BMPR2: variants seen among roughly 807,000 people sequenced by gnomAD.
BMPR2 encodes the protein bone morphogenetic protein receptor type-2.
In BMPR2, 29 loss-of-function variants were observed where a neutral mutation model predicts 100.8. The observed-to-expected ratio is 0.29, with a 90% confidence interval of 0.21 to 0.39. The LOEUF (loss-of-function observed/expected upper bound fraction) is 0.39. BMPR2 is among the 10% of genes least tolerant of loss of function. The pLI is 1.00. For missense variants in BMPR2, 1,011 were observed against 1,274.5 expected (o/e 0.79, Z 3.15); for synonymous variants, 382 against 442.3 (o/e 0.86, Z 1.71).
rs191138341 is a variant in BMPR2 at position 202,416,997 on chromosome 2, C to T, written c.76+39447C>T. On this transcript the variant is annotated intron_variant, in intron 1 of 12. Coordinates refer to ENST00000374580, the MANE Select transcript of BMPR2 (RefSeq NM_001204.7). Reference sequence around the variant, plus strand: ...GACTACAGGCACCCGCCACCACGCCCGGCTAATTTTTTGTGTTTTTAGTAG... The same window carrying T: ...GACTACAGGCACCCGCCACCACGCCTGGCTAATTTTTTGTGTTTTTAGTAG... 4.6e-3 allele frequency among the ~76,000 whole-genome samples: 692 copies of T among 151,682 alleles called. 3 individuals are homozygous for T. Among genetic ancestry groups the T allele is most frequent in the African/African-American group, 0.015 (627 of 41,350 alleles).
At chr2:202,380,539 C>G (rs1297374048) in intron 1 of BMPR2, among the ~76,000 whole-genome samples, 1 of 151,964 alleles carries the variant, frequency 6.6e-6, no homozygotes, top group African/African-American at 2.4e-5. Flanking sequence ...GAATGAATCT[C>G]TCTGGGAGAA....
At chr2:202,443,975 G>A (rs1368215317) in intron 1 of BMPR2, among the ~76,000 whole-genome samples, 2 of 150,424 alleles carry the variant, frequency 1.3e-5, no homozygotes, top group Admixed American at 1.3e-4. Flanking sequence ...TAATAACATA[G>A]TGGTACAAAT....
chr2:202,550,108 G>A lies in BMPR2; in HGVS notation c.1414-2608G>A, dbSNP rs533391030. Among the ~76,000 whole-genome samples, 102 of 152,152 alleles carry A rather than the reference G, an allele frequency of 6.7e-4. No individual in the cohort carries two copies. The South Asian group carries it at 0.012, about 19-fold the overall frequency. Reference sequence around the variant, plus strand: ...TTTTTGGCCAGGTACAGTGGCTCACGCCTGTAATCCCAGCACTTTGGAAGG... The same window carrying A: ...TTTTTGGCCAGGTACAGTGGCTCACACCTGTAATCCCAGCACTTTGGAAGG... On this transcript the variant is annotated intron_variant, in intron 10 of 12. Coordinates refer to ENST00000374580, the MANE Select transcript of BMPR2 (RefSeq NM_001204.7).
chr2:202,506,597 C>T (rs1268907082), intron 3 of BMPR2, among the ~76,000 whole-genome samples: 2 of 152,092 alleles, frequency 1.3e-5, no homozygotes, highest in African/African-American at 4.8e-5. Flanking sequence ...TACGAATTTG[C>T]AGGGCACATA....
chr2:202,458,152 T>A (rs536613579), intron 1 of BMPR2, among the ~76,000 whole-genome samples: 1 of 151,694 alleles, frequency 6.6e-6, no homozygotes, highest in East Asian at 1.9e-4. Flanking sequence ...ATATAATATT[T>A]AAAAAATTTT....
intron 3 of BMPR2, among the ~76,000 whole-genome samples, chr2:202,513,199 G>C (rs1687655224): frequency 6.6e-6 from 1 of 151,936 alleles, no homozygotes; most frequent in Non-Finnish European, 1.5e-5. Context: ...TTGACCTTGT[G>C]GCCTCAAGTG....
At chr2:202,472,766 C>T (rs934706407) in intron 3 of BMPR2, among the ~76,000 whole-genome samples, 10 of 152,188 alleles carry the variant, frequency 6.6e-5, no homozygotes, top group African/African-American at 2.4e-4. Context: ...TTTACTATAA[C>T]CTTTTGACCC....
intron 1 of BMPR2, among the ~76,000 whole-genome samples, chr2:202,435,510 GAAGTA>G (rs1224490129): frequency 6.7e-6 from 1 of 148,628 alleles, no homozygotes; most frequent in African/African-American, 2.6e-5. Context: ...AAAAGTTTAT[GAAGTA>G]AAGTTAGAGT....
At chr2:202,461,239 G>GGCCTCC (rs1375664434) in intron 1 of BMPR2, among the ~76,000 whole-genome samples, 26 of 152,164 alleles carry the variant, frequency 1.7e-4, no homozygotes, top group African/African-American at 6.0e-4. Context: ...TGTAATCCCA[G>GGCCTCC]CACTTTGGGA....
intron 9 of BMPR2, among the ~76,000 whole-genome samples, chr2:202,536,720 A>G (rs985223954): frequency 1.8e-4 from 28 of 152,064 alleles, no homozygotes; most frequent in African/African-American, 6.7e-4. Context: ...TAAAAATACA[A>G]AATTAGCTGG....
chr2:202,478,620 T>A (rs1692594925), intron 3 of BMPR2, among the ~76,000 whole-genome samples: 3 of 152,018 alleles, frequency 2.0e-5, no homozygotes, highest in African/African-American at 7.2e-5. Context: ...AAGACCGCTC[T>A]AAGAAGGGCC....
chr2:202,442,755 G>A (rs1475227483), intron 1 of BMPR2, among the ~76,000 whole-genome samples: 3 of 150,684 alleles, frequency 2.0e-5, no homozygotes, highest in African/African-American at 5.0e-5. Flanking sequence ...CATCCTTGTT[G>A]TAGCATATGA....
intron 3 of BMPR2, among the ~76,000 whole-genome samples, chr2:202,488,639 C>G (rs1385577604): frequency 6.6e-6 from 1 of 151,966 alleles, no homozygotes; most frequent in East Asian, 1.9e-4. Context: ...TGCTGTGTTC[C>G]TCAGGATGGT....
rs9808532 is a variant in BMPR2 at position 202,544,097 on chromosome 2, G to A, written c.1413+1650G>A. On this transcript the variant is annotated intron_variant, in intron 10 of 12. Transcript: ENST00000374580. Reference sequence around the variant, plus strand: ...GTGGAGGTTGCAGCGAGGCGAGATCGTGCCACTGCACTCCAGCCTGGGTGA... The same window carrying A: ...GTGGAGGTTGCAGCGAGGCGAGATCATGCCACTGCACTCCAGCCTGGGTGA... 6.3e-3 allele frequency among the ~76,000 whole-genome samples: 961 copies of A among 151,944 alleles called. 15 individuals are homozygous for A. Among genetic ancestry groups the A allele is most frequent in the African/African-American group, 0.022 (895 of 41,378 alleles).
intron 3 of BMPR2, among the ~76,000 whole-genome samples, chr2:202,501,701 G>C (rs1687398271): frequency 6.6e-6 from 1 of 152,166 alleles, no homozygotes; most frequent in African/African-American, 2.4e-5. Context: ...TGATGTAAAT[G>C]GCATACTAGG....
Position 202,503,898 on chromosome 2 carries a change from C to T in BMPR2, c.419-9821C>T, listed in dbSNP as rs1559058097. Among the ~76,000 whole-genome samples the T allele has an allele frequency of 1.3e-5, 2 of 152,180 alleles. No homozygotes were observed. Among genetic ancestry groups the T allele is most frequent in the African/African-American group, 4.8e-5 (2 of 41,442 alleles). Reference sequence around the variant, plus strand: ...CAGGGATTGTAAATACACCAATAGGCACTCTGTATCTAGCTCAAGGTTTGT... The same window carrying T: ...CAGGGATTGTAAATACACCAATAGGTACTCTGTATCTAGCTCAAGGTTTGT... On this transcript the variant is annotated intron_variant, in intron 3 of 12. Transcript: ENST00000374580. This position sits in a 1 kb window ranked among gnomAD's most constrained non-coding sequence, Gnocchi z 4.0.
At chr2:202,514,281 T>C (rs748133205) in intron 4 of BMPR2, among the ~76,000 whole-genome samples, 2 of 152,122 alleles carry the variant, frequency 1.3e-5, no homozygotes, top group Non-Finnish European at 2.9e-5. Flanking sequence ...GGACTACAGG[T>C]GCCCACCTCC....
chr2:202,556,043 C>T lies in BMPR2; in HGVS notation c.2378C>T (p.Thr793Ile). 1.2e-6 allele frequency: 2 copies of T among 1,614,166 alleles called. No homozygotes were observed. The highest frequency in any genetic ancestry group is 2.2e-5 in the South Asian group (2 of 91,082). Residue 793 changes from threonine (T) to isoleucine (I), a missense_variant, in exon 12 of 13, where the codon ACA (threonine) becomes ATA (isoleucine). Thr to Ile is a moderately conservative substitution (Grantham distance 89). Around this residue, in one of 6 missense-constraint regions of BMPR2, gnomAD observed 508 missense variants for 552.0 expected, o/e 0.92. Transcript: ENST00000374580. ...GAAACTGGAGTTGCCAAGATGAATA[C>T]AATCAATGCAGCAGAACCTCATGTG... ...QVETGVAKMNTINAAEPHVVT... is the reference protein window; with the variant it reads ...QVETGVAKMNIINAAEPHVVT...
chr2:202,417,810 C>G (rs62194082), intron 1 of BMPR2, among the ~76,000 whole-genome samples: 11,256 of 151,516 alleles, frequency 0.074, 520 homozygotes, highest in Middle Eastern at 0.11. Context: ...CCTCTGCCTT[C>G]TGGGTTCATG....
Sources: allele counts gnomAD v4.1 joint callset (sites outside exome capture counted in the v4.1 genomes callset), GRCh38; gene constraint gnomAD v4.1.1; regional missense constraint gnomAD v4.1.1; non-coding constraint Gnocchi (gnomAD v3.1); transcripts MANE v1.5; gene names NCBI Gene and HGNC (gene_info 2026-07-23, HGNC 2026-07-21).